Variants in ALDH1B1 observed in about 807,000 individuals in gnomAD.
ALDH1B1 encodes aldehyde dehydrogenase family 1 member B1, mitochondrial.
In ALDH1B1, 19 loss-of-function variants were observed where a neutral mutation model predicts 26.2. The observed-to-expected ratio is 0.72, with a 90% CI of 0.51 to 1.06. The LOEUF (loss-of-function observed/expected upper bound fraction) is 1.06. Among genes scored for constraint, ALDH1B1 ranks in the 50% least tolerant of loss-of-function variants. ALDH1B1 has a pLI of 0.00. For missense variants in ALDH1B1, 671 were observed against 683.1 expected (o/e 0.98, Z 0.20); for synonymous variants, 249 against 286.0 (o/e 0.87, Z 1.31).
Position 38,396,234 on chromosome 9 carries a change from C to T in ALDH1B1, c.486C>T (p.Pro162=), listed in dbSNP as rs1224408183. ...WADKWHGKTI[P]MDGQHFCFTR... ...ACAAGTGGCATGGCAAGACCATCCCCATGGATGGCCAGCATTTCTGCTTCA... is the reference window on the plus strand; with the variant it reads ...ACAAGTGGCATGGCAAGACCATCCCTATGGATGGCCAGCATTTCTGCTTCA... Residue 162 remains proline (P), a synonymous_variant, in exon 2 of 2, where the codon CCC becomes CCT. Transcript: ENST00000377698. 1 of 1,614,186 alleles carries T rather than the reference C, an allele frequency of 6.2e-7. No homozygotes were observed. Among genetic ancestry groups the T allele is most frequent in the Admixed American group, 1.7e-5 (1 of 60,020 alleles).
At chr9:38,393,582 C>T (rs959077782) in intron 1 of ALDH1B1, among the ~76,000 whole-genome samples, 2 of 152,178 alleles carry the variant, frequency 1.3e-5, no homozygotes, top group Admixed American at 1.3e-4. Context: ...CCCCTCCAAT[C>T]CTTACCCCAT....
Position 38,396,309 on chromosome 9 carries a change from C to T in ALDH1B1, c.561C>T (p.Phe187=). ...GTGGCCAGATCATCCCGTGGAACTT[C>T]CCCTTGGTCATGCAGGGTTGGAAAC... is the stretch of plus-strand genomic sequence containing the variant. ...GVCGQIIPWN[F]PLVMQGWKLA... Residue 187 remains phenylalanine (F), a synonymous_variant, in exon 2 of 2, where the codon TTC becomes TTT. Coordinates refer to ENST00000377698, the MANE Select transcript of ALDH1B1 (RefSeq NM_000692.5). The T allele has an allele frequency of 6.2e-7, 1 of 1,614,136 alleles. No individual in the cohort carries two copies.
intron 1 of ALDH1B1, 67 bp from the exon 2 acceptor site, chr9:38,395,673 G>GTAGATCTC: frequency 2.7e-6 from 4 of 1,507,586 alleles, no homozygotes; most frequent in Non-Finnish European, 2.7e-6. Flanking sequence ...TTGAGCTGGT[G>GTAGATCTC]GGCCCTTGGG....
chr9:38,393,960 C>T (rs1327390953), intron 1 of ALDH1B1, among the ~76,000 whole-genome samples: 1 of 152,084 alleles, frequency 6.6e-6, no homozygotes, highest in African/African-American at 2.4e-5. Context: ...TTACAGACAC[C>T]CTTTCCCCTT....
chr9:38,394,409 C>T (rs1313542550), intron 1 of ALDH1B1: 1 of 176,230 alleles, frequency 5.7e-6, no homozygotes, highest in African/African-American at 2.4e-5. Context: ...CCACCTCAGC[C>T]TCCCAAGCAG....
intron 1 of ALDH1B1, 61 bp from the exon 2 acceptor site, chr9:38,395,679 T>C (rs1248256879): frequency 6.6e-7 from 1 of 1,514,226 alleles, no homozygotes; most frequent in African/African-American, 1.4e-5. Context: ...TGGTGGGCCC[T>C]TGGGTACCGC....
At chr9:38,395,673 G>C (rs183158462) in intron 1 of ALDH1B1, 67 bp from the exon 2 acceptor site, 4 of 1,507,496 alleles carry the variant, frequency 2.7e-6, no homozygotes, top group South Asian at 1.3e-5. Flanking sequence ...TTGAGCTGGT[G>C]GGCCCTTGGG....
At position 38,395,288 on chromosome 9, in the gene ALDH1B1, C is replaced by T. The variant is rs148476704; in HGVS notation, c.-9-452C>T. Among the ~76,000 whole-genome samples the T allele has an allele frequency of 3.9e-3, 601 of 152,286 alleles. 3 individuals are homozygous for T. Among genetic ancestry groups the T allele is most frequent in the Middle Eastern group, 6.8e-3 (2 of 294 alleles). The stretch of plus-strand genomic sequence containing the variant: ...CCGCTGCTCTGTAGCAGGCATACCT[C>T]TAGGCTCGGGGACGTAGCAGTGAAT... On this transcript the variant is annotated intron_variant, in intron 1 of 1. Transcript: ENST00000377698.
chr9:38,396,623 G>A lies in ALDH1B1; in HGVS notation c.875G>A (p.Ser292Asn), dbSNP rs752417169. ...CTGGAGCTGGGTGGTAAGAGCCCCA[G>A]CATCGTGCTGGCCGATGCTGACATG... ...VTLELGGKSP[S>N]IVLADADMEH... The change falls in exon 2 of 2, where the codon AGC becomes AAC. Residue 292 changes from serine (S) to asparagine (N), a missense_variant. Physicochemically the swap from Ser to Asn is conservative, Grantham distance 46. Coordinates refer to ENST00000377698, the MANE Select transcript of ALDH1B1 (RefSeq NM_000692.5). 2 of 1,614,082 alleles carry A rather than the reference G, an allele frequency of 1.2e-6. No individual in the cohort carries two copies. The highest frequency in any genetic ancestry group is 1.7e-6 in the Non-Finnish European group (2 of 1,179,996).
In ALDH1B1 at chr9:38,396,362, CTG is replaced by C. The variant is rs749435661; in HGVS notation, c.617_618del (p.Val206GlyfsTer50). On this transcript the variant is annotated frameshift_variant, in exon 2 of 2. Coordinates refer to ENST00000377698, the MANE Select transcript of ALDH1B1 (RefSeq NM_000692.5). LOFTEE classifies it high-confidence loss of function. Reference sequence around the variant, plus strand: ...GCCCCGGCACTCGCCACAGGCAACACTGTGGTTATGAAGGTGGCAGAGCAGAC... The same window carrying C: ...GCCCCGGCACTCGCCACAGGCAACACTGGTTATGAAGGTGGCAGAGCAGAC... 1.2e-6 allele frequency: 2 copies of C among 1,614,064 alleles called. No homozygotes were observed. The highest frequency in any genetic ancestry group is 2.7e-5 in the African/African-American group (2 of 74,938).
rs1188013002 is a variant in ALDH1B1 at position 38,396,591 on chromosome 9, A to G, written c.843A>G (p.Arg281=). ...QKAAGDSNLK[R]VTLELGGKSP... is the part of the protein sequence containing the mutation. ...CAGCTGGCGATTCCAACCTCAAGAG[A>G]GTCACCCTGGAGCTGGGTGGTAAGA... The change falls in exon 2 of 2, where the codon AGA becomes AGG. Residue 281 remains arginine, a synonymous_variant. Transcript: ENST00000377698. The G allele has an allele frequency of 6.2e-6, 10 of 1,613,802 alleles. No individual in the cohort carries two copies. Among genetic ancestry groups the G allele is most frequent in the Non-Finnish European group, 8.5e-6 (10 of 1,179,990 alleles).
Position 38,395,967 on chromosome 9 carries a change from G to A in ALDH1B1, c.219G>A (p.Arg73=), listed in dbSNP as rs377475754. The change falls in exon 2 of 2, where the codon CGG becomes CGA. Residue 73 remains arginine (R), a synonymous_variant. Coordinates refer to ENST00000377698, the MANE Select transcript of ALDH1B1 (RefSeq NM_000692.5). ...TTGGGCACGTGGCTGAAGGTGACCG[G>A]GCTGATGTGGATCGGGCCGTGAAAG... ...EVIGHVAEGD[R]ADVDRAVKAA... is the part of the protein sequence containing the mutation. The A allele has an allele frequency of 6.2e-7, 1 of 1,613,644 alleles. No individual in the cohort carries two copies. The highest frequency in any genetic ancestry group is 8.5e-7 in the Non-Finnish European group (1 of 1,180,020).
At chr9:38,395,646 C>T in intron 1 of ALDH1B1, 94 bp from the exon 2 acceptor site, 4 of 1,470,978 alleles carry the variant, frequency 2.7e-6, no homozygotes, top group Non-Finnish European at 1.8e-6. Flanking sequence ...GTCCTTTATG[C>T]TGGAATCTTG....
intron 1 of ALDH1B1, among the ~76,000 whole-genome samples, 176 bp from the exon 2 acceptor site, chr9:38,395,564 C>T (rs1821261915): frequency 6.6e-6 from 1 of 152,204 alleles, no homozygotes; most frequent in African/African-American, 2.4e-5. Context: ...ATAGGCGGGA[C>T]GTGATGGAGT....
chr9:38,397,097 C>T lies in ALDH1B1; in HGVS notation c.1349C>T (p.Thr450Ile). The change falls in exon 2 of 2, where the codon ACC becomes ATC. Residue 450 changes from threonine to isoleucine, a missense_variant. Physicochemically the swap from Thr to Ile is moderately conservative, Grantham distance 89. Coordinates refer to ENST00000377698, the MANE Select transcript of ALDH1B1 (RefSeq NM_000692.5). Reference sequence around the variant, plus strand: ...TATGGCCTGGCTGCGGCTGTGTTCACCCGGGATCTGGACAAGGCCATGTAC... The same window carrying T: ...TATGGCCTGGCTGCGGCTGTGTTCATCCGGGATCTGGACAAGGCCATGTAC... ...TRYGLAAAVF[T>I]RDLDKAMYFT... 1 of 1,614,184 alleles carries T rather than the reference C, an allele frequency of 6.2e-7. No individual in the cohort carries two copies. Among genetic ancestry groups the T allele is most frequent in the African/African-American group, 1.3e-5 (1 of 75,048 alleles).
intron 1 of ALDH1B1, chr9:38,394,640 T>A: frequency 1.0e-6 from 1 of 985,048 alleles, no homozygotes; most frequent in Middle Eastern, 5.2e-4. Context: ...CCTGATTGAG[T>A]TTTTTGTTCC....
At position 38,396,472 on chromosome 9, in the gene ALDH1B1, G is replaced by T. The variant is rs1821288826; in HGVS notation, c.724G>T (p.Gly242Cys). ...GGTGGTGAACATCATCACGGGGTATGGCCCAACAGCAGGTGCGGCCATCGC... is the reference window on the plus strand; with the variant it reads ...GGTGGTGAACATCATCACGGGGTATTGCCCAACAGCAGGTGCGGCCATCGC... ...PGVVNIITGYGPTAGAAIAQH... is the reference protein window; with the variant it reads ...PGVVNIITGYCPTAGAAIAQH... The change falls in exon 2 of 2, where the codon GGC becomes TGC. Residue 242 changes from glycine to cysteine, a missense_variant. Physicochemically the swap from Gly to Cys is radical, Grantham distance 159. Coordinates refer to ENST00000377698, the MANE Select transcript of ALDH1B1 (RefSeq NM_000692.5). 4.3e-6 allele frequency: 7 copies of T among 1,614,080 alleles called. No individual in the cohort carries two copies. The East Asian group carries it at 1.6e-4, about 36-fold the overall frequency.
chr9:38,392,746 G>A lies in ALDH1B1; in HGVS notation c.-71G>A, dbSNP rs548897285. 166 of 985,654 alleles carry A rather than the reference G, an allele frequency of 1.7e-4. No homozygotes were observed. In the African/African-American group the frequency reaches 2.4e-3, roughly 14 times the overall value. 61.1% of individuals were successfully genotyped at this position (985,654 alleles called of 1,614,324 possible). On this transcript the variant is annotated 5_prime_UTR_variant, in exon 1 of 2. Transcript: ENST00000377698. The stretch of plus-strand genomic sequence containing the variant: ...AGCCCTGGGCGGCCATGTGGACAGA[G>A]CTGGGAGGGCCGGAACCAGAACCCA...
chr9:38,395,260 G>A (rs1411496173), intron 1 of ALDH1B1, among the ~76,000 whole-genome samples: 7 of 152,136 alleles, frequency 4.6e-5, no homozygotes, highest in Non-Finnish European at 7.3e-5. Context: ...ACTGTGTGTT[G>A]AGCCGCTGCT....
Sources: allele counts gnomAD v4.1 joint callset (sites outside exome capture counted in the v4.1 genomes callset), GRCh38; gene constraint gnomAD v4.1.1; transcripts MANE v1.5; gene names NCBI Gene and HGNC (gene_info 2026-07-23, HGNC 2026-07-21).